NOP58: variants seen among roughly 807,000 people sequenced by gnomAD.
The protein encoded by NOP58 is nucleolar protein 58.
A neutral mutation model predicts 71.2 loss-of-function variants in NOP58; 44 were observed. That is an observed-to-expected ratio of 0.62 (90% CI 0.49 to 0.79). The LOEUF is 0.79. NOP58 is among the 30% of genes least tolerant of loss of function. The pLI, the probability that NOP58 is intolerant of heterozygous loss-of-function variation, is 0.00. For synonymous variants in NOP58, 228 were observed against 200.3 expected (o/e 1.14, Z -1.17); for missense variants, 538 against 620.2 (o/e 0.87, Z 1.41).
In NOP58 at chr2:202,277,945, T is replaced by A; in HGVS notation, c.123-5T>A. 2 of 1,444,284 alleles carry A rather than the reference T, an allele frequency of 1.4e-6. No homozygotes were observed. The highest frequency in any genetic ancestry group is 1.9e-6 in the Non-Finnish European group (2 of 1,041,076). The allele number at this position is 1,444,284 out of a possible 1,614,324, so 89.5% of individuals were successfully genotyped here. A position where few individuals can be genotyped will look rare whatever the true frequency, so the allele number is the denominator to read the frequency against. The stretch of plus-strand genomic sequence containing the variant: ...CATGTTTATCTCTTTTTTTTTTAAT[T>A]CTAGAGTAAAGCTAAAACATTTTGA... On this transcript the variant is annotated splice_polypyrimidine_tract_variant and splice_region_variant and intron_variant, in intron 2 of 14. Transcript: ENST00000264279.
intron 10 of NOP58, among the ~76,000 whole-genome samples, chr2:202,297,024 C>T (rs775555472): frequency 6.6e-6 from 1 of 152,140 alleles, no homozygotes; most frequent in Non-Finnish European, 1.5e-5. Flanking sequence ...TGAGCCACCG[C>T]GCTCGGCCAG....
In NOP58 at chr2:202,302,297, C is replaced by T. The variant is rs544776800; in HGVS notation, c.1403-624C>T. ...TAGATACAGGATTTCACCATGTTGGCCAGGCTGGTCTTGATATCCTGACCT... is the reference window on the plus strand; with the variant it reads ...TAGATACAGGATTTCACCATGTTGGTCAGGCTGGTCTTGATATCCTGACCT... On this transcript the variant is annotated intron_variant, in intron 13 of 14. Transcript: ENST00000264279. 3.0e-4 allele frequency among the ~76,000 whole-genome samples: 46 copies of T among 152,008 alleles called. No homozygotes were observed. In the South Asian group the frequency reaches 8.9e-3, roughly 29 times the overall value.
At chr2:202,295,452 C>G (rs1390099169) in intron 9 of NOP58, among the ~76,000 whole-genome samples, 1 of 152,194 alleles carries the variant, frequency 6.6e-6, no homozygotes, top group South Asian at 2.1e-4. Context: ...TAAGCTTAGC[C>G]TTCAGTTTGT....
At chr2:202,278,996 A>T (rs1293905823) in intron 3 of NOP58, among the ~76,000 whole-genome samples, 13 of 152,180 alleles carry the variant, frequency 8.5e-5, no homozygotes, top group Non-Finnish European at 5.9e-5. Flanking sequence ...CAGTAATTAG[A>T]GTTATATACA....
chr2:202,276,536 T>C (rs1268840675), intron 2 of NOP58: 3 of 503,924 alleles, frequency 6.0e-6, no homozygotes, highest in Non-Finnish European at 1.2e-5. Flanking sequence ...TATGTTTCTT[T>C]CTGGATAAAA....
intron 1 of NOP58, among the ~76,000 whole-genome samples, chr2:202,269,692 G>A (rs761370874): frequency 2.0e-5 from 3 of 151,948 alleles, no homozygotes; most frequent in Non-Finnish European, 2.9e-5. Context: ...AATGAGCTGC[G>A]GTCGCGCCAC....
chr2:202,274,796 C>T (rs998134920), intron 1 of NOP58, among the ~76,000 whole-genome samples: 5 of 152,042 alleles, frequency 3.3e-5, no homozygotes, highest in Non-Finnish European at 7.4e-5. Flanking sequence ...TGCCCTACCC[C>T]CTAGGACCCC....
chr2:202,301,515 T>TG (rs1689093420), intron 13 of NOP58, among the ~76,000 whole-genome samples: 1 of 152,188 alleles, frequency 6.6e-6, no homozygotes, highest in Non-Finnish European at 1.5e-5. Flanking sequence ...CAATTCCAGT[T>TG]GCTTTGGCCA....
intron 14 of NOP58, 122 bp from the exon 15 acceptor site, chr2:202,303,264 A>AG (rs1197251683): frequency 7.7e-6 from 11 of 1,433,156 alleles, no homozygotes; most frequent in Non-Finnish European, 7.6e-6. Context: ...GTTTGCATTG[A>AG]GGGGAGGAGT....
chr2:202,272,079 C>T (rs1222410415), intron 1 of NOP58, among the ~76,000 whole-genome samples: 1 of 151,604 alleles, frequency 6.6e-6, no homozygotes. Context: ...GTAAGAGAAA[C>T]ACAATGTTGC....
Position 202,292,743 on chromosome 2 carries a change from GAT to G in NOP58, c.781-31_781-30del, listed in dbSNP as rs1306366742. On this transcript the variant is annotated intron_variant, in intron 8 of 14. Coordinates refer to ENST00000264279, the MANE Select transcript of NOP58 (RefSeq NM_015934.5). ...GAATTTTTACTGTTTTTACTCATAT[GAT>G]ATTTGTGACTTAACTTTATTCCTTA... The G allele has an allele frequency of 7.0e-6, 11 of 1,566,344 alleles. No homozygotes were observed. The South Asian group carries it at 1.2e-4, about 17-fold the overall frequency.
chr2:202,292,713 G>T, intron 8 of NOP58, 64 bp from the exon 9 acceptor site: 1 of 1,373,816 alleles, frequency 7.3e-7, no homozygotes, highest in Admixed American at 1.7e-5. Flanking sequence ...CAGTGTTTTA[G>T]ACAGGAATTT....
chr2:202,277,025 C>A (rs1462047708), intron 2 of NOP58, among the ~76,000 whole-genome samples: 1 of 152,120 alleles, frequency 6.6e-6, no homozygotes, highest in Non-Finnish European at 1.5e-5. Context: ...CGGTGGCTCA[C>A]GCCTGTAATC....
chr2:202,300,444 C>A, intron 13 of NOP58, 77 bp downstream of exon 13: 1 of 1,172,630 alleles, frequency 8.5e-7, no homozygotes, highest in Non-Finnish European at 1.2e-6. Context: ...CTTAAAAGTA[C>A]ATGCCATCCC....
intron 1 of NOP58, among the ~76,000 whole-genome samples, chr2:202,267,399 G>A (rs1423833461): frequency 6.6e-6 from 1 of 152,134 alleles, no homozygotes; most frequent in African/African-American, 2.4e-5. Flanking sequence ...TTATTTTTAA[G>A]AAAACCAATA....
intron 1 of NOP58, among the ~76,000 whole-genome samples, chr2:202,269,030 C>T (rs1238017051): frequency 6.6e-6 from 1 of 152,106 alleles, no homozygotes; most frequent in East Asian, 1.9e-4. Context: ...TGCTCTGTCA[C>T]CCAGGCTGGG....
intron 4 of NOP58, among the ~76,000 whole-genome samples, chr2:202,283,395 C>G (rs1688738143): frequency 6.6e-6 from 1 of 151,792 alleles, no homozygotes; most frequent in Non-Finnish European, 1.5e-5. Flanking sequence ...ACGCCCTGGC[C>G]TCCCAAAGTG....
At chr2:202,302,083 C>CTTTTTT (rs71031885) in intron 13 of NOP58, among the ~76,000 whole-genome samples, 23 of 90,582 alleles carry the variant, frequency 2.5e-4, no homozygotes, top group African/African-American at 3.7e-4. Flanking sequence ...TTTTTTTTTT[C>CTTTTTT]TTTTTTTTTT....
intron 6 of NOP58, among the ~76,000 whole-genome samples, chr2:202,290,104 C>T (rs1688860551): frequency 6.6e-6 from 1 of 152,070 alleles, no homozygotes; most frequent in African/African-American, 2.4e-5. Context: ...TACAGGTGTG[C>T]ACCACCATGC....
Sources: allele counts gnomAD v4.1 joint callset (sites outside exome capture counted in the v4.1 genomes callset), GRCh38; gene constraint gnomAD v4.1.1; transcripts MANE v1.5; gene names NCBI Gene and HGNC (gene_info 2026-07-23, HGNC 2026-07-21).